The following ARHGAP28 variants were observed in gnomAD, a reference collection of about 807,000 sequenced individuals.
ARHGAP28 encodes the protein rho GTPase-activating protein 28.
A neutral mutation model predicts 90.7 loss-of-function variants in ARHGAP28; 56 were observed. The observed-to-expected ratio is 0.62, with a 90% CI of 0.50 to 0.77. The LOEUF (loss-of-function observed/expected upper bound fraction) is 0.77, where lower values mean the gene tolerates loss of function less well. Among genes scored for constraint, ARHGAP28 ranks in the 30% least tolerant of loss-of-function variants. ARHGAP28 has a pLI of 0.00. For missense variants in ARHGAP28, 869 were observed against 900.9 expected (o/e 0.96, Z 0.45); for synonymous variants, 308 against 323.3 (o/e 0.95, Z 0.51).
chr18:6,822,595 C>T (rs1213897284), intron 1 of ARHGAP28, among the ~76,000 whole-genome samples: 3 of 152,176 alleles, frequency 2.0e-5, no homozygotes, highest in Non-Finnish European at 2.9e-5. Context: ...AATTATCACC[C>T]GGTTATCAGA....
intron 1 of ARHGAP28, chr18:6,789,689 T>A (rs1478246089): frequency 6.6e-6 from 1 of 152,222 alleles, no homozygotes; most frequent in Non-Finnish European, 1.5e-5. Flanking sequence ...AAATTTTACA[T>A]CCCAATTTTT....
intron 10 of ARHGAP28, among the ~76,000 whole-genome samples, chr18:6,881,922 A>C (rs1243564191): frequency 6.6e-6 from 1 of 152,208 alleles, no homozygotes; most frequent in African/African-American, 2.4e-5. Flanking sequence ...TTTCAAGATC[A>C]ACATTATTTT....
chr18:6,841,206 CTCCTCT>C, intron 3 of ARHGAP28, among the ~76,000 whole-genome samples: 5 of 42,626 alleles, frequency 1.2e-4, no homozygotes, highest in African/African-American at 4.3e-4. Flanking sequence ...TCTCTCTCCT[CTCCTCT>C]CTCTCTCTCT....
chr18:6,816,091 T>C (rs1025769057), intron 1 of ARHGAP28, among the ~76,000 whole-genome samples: 3 of 152,160 alleles, frequency 2.0e-5, no homozygotes, highest in Non-Finnish European at 4.4e-5. Context: ...CTTCTTTTCC[T>C]CTAAGAGGGA....
At chr18:6,836,207 A>C (rs535532410) in intron 2 of ARHGAP28, 3 of 152,506 alleles carry the variant, frequency 2.0e-5, no homozygotes, top group African/African-American at 7.2e-5. Context: ...TCAGCAAAAC[A>C]CATGAAATAA....
chr18:6,839,344 A>T (rs1040900237), intron 3 of ARHGAP28, among the ~76,000 whole-genome samples: 1 of 139,752 alleles, frequency 7.2e-6, no homozygotes, highest in Non-Finnish European at 1.5e-5. Context: ...CCCAGGCTGG[A>T]GTGCAGTGGC....
intron 1 of ARHGAP28, among the ~76,000 whole-genome samples, chr18:6,760,650 A>C (rs977517401): frequency 2.0e-5 from 3 of 152,378 alleles, no homozygotes; most frequent in Non-Finnish European, 4.4e-5. Flanking sequence ...TTGATAAAGC[A>C]ATAATTAGCA....
intron 1 of ARHGAP28, among the ~76,000 whole-genome samples, chr18:6,733,052 A>G (rs1221527645): frequency 6.6e-6 from 1 of 152,186 alleles, no homozygotes; most frequent in Non-Finnish European, 1.5e-5. Context: ...CGAAGAATCA[A>G]AGGGATCACT....
chr18:6,797,221 A>G (rs1173690004), intron 1 of ARHGAP28, among the ~76,000 whole-genome samples: 1 of 152,140 alleles, frequency 6.6e-6, no homozygotes, highest in Non-Finnish European at 1.5e-5. Context: ...GTTGTTTTTA[A>G]TCAGTAACTC....
chr18:6,841,138 CTCACTG>C (rs1209174349), intron 3 of ARHGAP28, among the ~76,000 whole-genome samples: 2 of 145,024 alleles, frequency 1.4e-5, no homozygotes, highest in African/African-American at 5.2e-5. Context: ...TCTCTCCTCT[CTCACTG>C]TCTCTCTCCT....
intron 2 of ARHGAP28, among the ~76,000 whole-genome samples, chr18:6,831,473 T>TTTTTTTTTTTTTTTC (rs2056715162): frequency 1.0e-4 from 1 of 9,908 alleles, no homozygotes; most frequent in African/African-American, 2.5e-4. Flanking sequence ...ATCTTGATGT[T>TTTTTTTTTTTTTTTC]TTTTTTTTTT....
intron 2 of ARHGAP28, among the ~76,000 whole-genome samples, chr18:6,826,737 G>T (rs894061130): frequency 8.0e-5 from 12 of 149,506 alleles, no homozygotes; most frequent in Non-Finnish European, 1.8e-4. Context: ...TCTCACAGAG[G>T]GGGATTTGGC....
chr18:6,868,241 G>T lies in ARHGAP28; in HGVS notation c.811+7G>T, dbSNP rs372545858. On this transcript the variant is annotated splice_region_variant and intron_variant, in intron 6 of 17. Transcript: ENST00000383472. Reference sequence around the variant, plus strand: ...GTTCAGAATGCGATAAGTGGTGAGCGGCATGCCTCCTGTTGAACTTCAGCT... The same window carrying T: ...GTTCAGAATGCGATAAGTGGTGAGCTGCATGCCTCCTGTTGAACTTCAGCT... 30 of 1,612,702 alleles carry T rather than the reference G, an allele frequency of 1.9e-5. No individual in the cohort carries two copies. The highest frequency in any genetic ancestry group is 2.4e-5 in the Non-Finnish European group (28 of 1,178,944).
chr18:6,865,049 T>A (rs2057028228), intron 5 of ARHGAP28, among the ~76,000 whole-genome samples: 1 of 152,216 alleles, frequency 6.6e-6, no homozygotes, highest in Non-Finnish European at 1.5e-5. Context: ...ATTGTGCCTA[T>A]TTTTTCCTAT....
At chr18:6,798,431 T>C (rs1384500142) in intron 1 of ARHGAP28, among the ~76,000 whole-genome samples, 3 of 152,122 alleles carry the variant, frequency 2.0e-5, no homozygotes, top group African/African-American at 7.2e-5. Context: ...TGACCTCAGG[T>C]GATCTGCCCG....
intron 17 of ARHGAP28, among the ~76,000 whole-genome samples, chr18:6,910,838 GT>G (rs68145093): frequency 0.79 from 119,986 of 150,978 alleles, 48,099 homozygotes; most frequent in Non-Finnish European, 0.86. Context: ...TTTTTGTTTT[GT>G]TTTGTTTGCT....
At chr18:6,835,688 A>G (rs1398514771) in intron 2 of ARHGAP28, among the ~76,000 whole-genome samples, 1 of 152,158 alleles carries the variant, frequency 6.6e-6, no homozygotes, top group South Asian at 2.1e-4. Context: ...GTTACAGGAC[A>G]CTGTTATTCT....
At chr18:6,757,369 CAAA>C (rs1329970426) in intron 1 of ARHGAP28, among the ~76,000 whole-genome samples, 1 of 152,000 alleles carries the variant, frequency 6.6e-6, no homozygotes, top group Admixed American at 6.6e-5. Context: ...GCAAAAGAAC[CAAA>C]ATGTCTCTAG....
At chr18:6,863,646 C>A (rs1197329858) in intron 5 of ARHGAP28, among the ~76,000 whole-genome samples, 8 of 151,626 alleles carry the variant, frequency 5.3e-5, no homozygotes, top group Non-Finnish European at 1.2e-4. Context: ...TACCTTGGAG[C>A]CATTTATCGA....
Sources: allele counts gnomAD v4.1 joint callset (sites outside exome capture counted in the v4.1 genomes callset), GRCh38; gene constraint gnomAD v4.1.1; transcripts MANE v1.5; gene names NCBI Gene and HGNC (gene_info 2026-07-23, HGNC 2026-07-21).